Variants in ZC3H12B observed in about 807,000 individuals in gnomAD.
The protein encoded by ZC3H12B is probable ribonuclease ZC3H12B.
A neutral mutation model predicts 43.9 loss-of-function variants in ZC3H12B; 7 were observed. The observed-to-expected ratio is 0.16, with a 90% CI of 0.09 to 0.30. ZC3H12B has a LOEUF of 0.30. ZC3H12B is among the 10% of genes least tolerant of loss of function. The probability of loss-of-function intolerance (pLI) is 1.00; values close to 1 mark genes in which losing one functional copy is unlikely to be tolerated. For missense variants in ZC3H12B, 475 were observed against 670.2 expected (o/e 0.71, Z 3.22); for synonymous variants, 222 against 241.7 (o/e 0.92, Z 0.76).
the ZC3H12B span, among the ~76,000 whole-genome samples, chrX:65,223,275 G>A: frequency 1.8e-5 from 2 of 110,075 alleles, no homozygotes; most frequent in South Asian, 3.9e-4. Flanking sequence ...CTGCACTCCA[G>A]CCTATGTGAT....
the ZC3H12B span, among the ~76,000 whole-genome samples, chrX:65,109,568 G>A: frequency 3.6e-5 from 4 of 111,631 alleles, no homozygotes; most frequent in Non-Finnish European, 7.6e-5. Flanking sequence ...ATTTATAGAT[G>A]TACTACATGT....
At chrX:65,277,784 T>A in the ZC3H12B span, among the ~76,000 whole-genome samples, 5 of 111,386 alleles carry the variant, frequency 4.5e-5, no homozygotes, top group African/African-American at 1.6e-4. Flanking sequence ...AATGAACCAT[T>A]TAATAATACA....
chrX:65,330,089 G>T, the ZC3H12B span, among the ~76,000 whole-genome samples: 1 of 111,655 alleles, frequency 9.0e-6, no homozygotes, highest in Non-Finnish European at 1.9e-5. Flanking sequence ...TGTGAAGAAA[G>T]TCATTAGTAA....
chrX:65,130,427 G>A, the ZC3H12B span, among the ~76,000 whole-genome samples: 1 of 111,073 alleles, frequency 9.0e-6, no homozygotes, highest in Non-Finnish European at 1.9e-5. Flanking sequence ...TGTCTACCTG[G>A]ACCAAGGGGT....
intron 2 of ZC3H12B, among the ~76,000 whole-genome samples, chrX:65,373,077 G>A (rs1475035354): frequency 2.7e-5 from 3 of 111,705 alleles, no homozygotes; most frequent in Non-Finnish European, 5.7e-5. Flanking sequence ...ATGTATCTGA[G>A]TCTGTTTCTT....
chrX:65,310,054 G>A, the ZC3H12B span, among the ~76,000 whole-genome samples: 20 of 111,888 alleles, frequency 1.8e-4, no homozygotes, highest in Non-Finnish European at 3.2e-4. Context: ...TACTGAATGG[G>A]CAAAACCTGG....
At chrX:65,448,425 A>G (rs1245234361) in intron 3 of ZC3H12B, among the ~76,000 whole-genome samples, 1 of 112,174 alleles carries the variant, frequency 8.9e-6, no homozygotes, top group African/African-American at 3.2e-5. Context: ...AAGAAGTCAT[A>G]TCAAAAAGAA....
the ZC3H12B span, among the ~76,000 whole-genome samples, chrX:65,040,446 A>T: frequency 9.2e-6 from 1 of 108,443 alleles, no homozygotes; most frequent in Non-Finnish European, 1.9e-5. Context: ...ATTTGTTCAG[A>T]TACCTGTGAG....
intron 2 of ZC3H12B, among the ~76,000 whole-genome samples, chrX:65,392,638 G>A (rs1043520077): frequency 8.3e-5 from 9 of 107,900 alleles, no homozygotes; most frequent in East Asian, 6.3e-4. Flanking sequence ...GGTGGGGGGC[G>A]CCTCTGCCCG....
chrX:65,080,758 G>T, the ZC3H12B span, among the ~76,000 whole-genome samples: 1 of 111,470 alleles, frequency 9.0e-6, no homozygotes, highest in Non-Finnish European at 1.9e-5. Flanking sequence ...AGAAAAAGAT[G>T]TTAATAATCA....
At chrX:65,204,885 T>G in the ZC3H12B span, among the ~76,000 whole-genome samples, 1 of 112,284 alleles carries the variant, frequency 8.9e-6, no homozygotes, top group Non-Finnish European at 1.9e-5. Context: ...GCTCATTTCC[T>G]ACTTCTTTTC....
chrX:65,209,820 G>A, the ZC3H12B span, among the ~76,000 whole-genome samples: 1 of 99,934 alleles, frequency 1.0e-5, no homozygotes, highest in East Asian at 3.1e-4. Context: ...AATGGGGAAA[G>A]GATTCCCTAT....
chrX:65,442,623 G>A (rs57002157), intron 3 of ZC3H12B, among the ~76,000 whole-genome samples: 13,453 of 111,456 alleles, frequency 0.12, 1,963 homozygotes, highest in African/African-American at 0.41. Context: ...GTTTTAAATT[G>A]TAAGAACTGA....
the ZC3H12B span, among the ~76,000 whole-genome samples, chrX:65,155,192 A>G: frequency 9.0e-6 from 1 of 110,563 alleles, no homozygotes; most frequent in Admixed American, 9.7e-5. Flanking sequence ...TCTTGAACTC[A>G]AGCCATCTGC....
At chrX:65,307,138 G>T in the ZC3H12B span, among the ~76,000 whole-genome samples, 3 of 112,264 alleles carry the variant, frequency 2.7e-5, no homozygotes, top group African/African-American at 6.5e-5. Flanking sequence ...AAATTGTAGA[G>T]TGTAAATATT....
the ZC3H12B span, among the ~76,000 whole-genome samples, chrX:65,267,978 G>C: frequency 9.0e-6 from 1 of 110,850 alleles, no homozygotes; most frequent in Non-Finnish European, 1.9e-5. Flanking sequence ...TGATAATCCT[G>C]TGAGTTGGTT....
At chrX:65,337,689 G>A in the ZC3H12B span, among the ~76,000 whole-genome samples, 1 of 112,561 alleles carries the variant, frequency 8.9e-6, no homozygotes, top group Non-Finnish European at 1.9e-5. Flanking sequence ...TTGATAGCGT[G>A]CATAATTCTC....
At chrX:65,461,426 A>G (rs2067744344) in intron 3 of ZC3H12B, among the ~76,000 whole-genome samples, 1 of 112,345 alleles carries the variant, frequency 8.9e-6, no homozygotes, top group African/African-American at 3.2e-5. Flanking sequence ...GGCACTATTC[A>G]GAATAGCAAA....
intron 3 of ZC3H12B, among the ~76,000 whole-genome samples, chrX:65,454,075 C>A (rs150450745): frequency 8.9e-6 from 1 of 112,364 alleles, no homozygotes; most frequent in South Asian, 3.6e-4. Context: ...ACGCAGAAGA[C>A]AAATGATTTC....
Sources: gnomAD v4.1 joint callset for allele counts (sites outside exome capture counted in the v4.1 genomes callset) on GRCh38, gnomAD v4.1.1 for gene constraint, MANE v1.5 for transcripts, NCBI Gene and HGNC (gene_info 2026-07-23, HGNC 2026-07-21) for gene names.